Variants in GLUD1 observed in about 807,000 individuals in gnomAD.
The protein encoded by GLUD1 is glutamate dehydrogenase 1.
Under a neutral mutation model 56.0 loss-of-function variants are expected in GLUD1, and 22 were observed. That is an observed-to-expected ratio of 0.39 (90% CI 0.28 to 0.56). The LOEUF (loss-of-function observed/expected upper bound fraction) is 0.56. Ranked by LOEUF, GLUD1 falls within the 20% of genes least tolerant of loss-of-function variation. The pLI is 0.58. For synonymous variants in GLUD1, 223 were observed against 269.9 expected, an observed-to-expected ratio of 0.83 and a Z score of 1.70; for missense variants, 451 against 732.0, an observed-to-expected ratio of 0.62 and a Z score of 4.43.
At position 87,068,136 on chromosome 10, in the gene GLUD1, G is replaced by A; in HGVS notation, c.668C>T (p.Ala223Val). Residue 223 changes from alanine to valine, a missense_variant, in exon 5 of 13, where the codon GCT (alanine) becomes GTT (valine). By Grantham distance (64) the Ala-to-Val change is moderately conservative. Coordinates refer to ENST00000277865, the MANE Select transcript of GLUD1 (RefSeq NM_005271.5). ...GFIGPGIDVP[A>V]PDMSTGEREM... ...CCGCTCACCTGTGCTCATGTCTGGA[G>A]CAGGCACATCAATGCCAGGACCTGC... 6.2e-7 allele frequency: 1 copy of A among 1,612,672 alleles called. No homozygotes were observed. Among genetic ancestry groups the A allele is most frequent in the African/African-American group, 1.3e-5 (1 of 75,038 alleles).
At chr10:87,077,076 A>G (rs1452233298) in intron 1 of GLUD1, among the ~76,000 whole-genome samples, 1 of 152,100 alleles carries the variant, frequency 6.6e-6, no homozygotes, top group African/African-American at 2.4e-5. Context: ...AGTGGCACAG[A>G]CATGGCTTAC....
chr10:87,094,134 G>A lies in GLUD1; in HGVS notation c.445+191C>T. 1.4e-6 allele frequency: 2 copies of A among 1,456,072 alleles called. No homozygotes were observed. The highest frequency in any genetic ancestry group is 1.8e-6 in the Non-Finnish European group (2 of 1,100,002). 90.2% of individuals were successfully genotyped at this position (1,456,072 alleles called of 1,614,324 possible). ...GGGGGAGGGGGCAGGCCAATCGCAT[G>A]ATGATTTTAAGGCGGAAAAATCACC... On this transcript the variant is annotated intron_variant, in intron 1 of 12. Transcript: ENST00000277865. This position sits in a 1 kb window ranked among gnomAD's most constrained non-coding sequence, Gnocchi z 6.6.
chr10:87,060,428 G>GA, intron 8 of GLUD1, 187 bp from the exon 9 acceptor site: 1 of 550,246 alleles, frequency 1.8e-6, no homozygotes, highest in Non-Finnish European at 3.2e-6. Context: ...ATTTATCTAG[G>GA]TTTTTTTTTT....
intron 11 of GLUD1, among the ~76,000 whole-genome samples, chr10:87,055,526 G>A (rs955881899): frequency 5.9e-5 from 9 of 152,184 alleles, no homozygotes; most frequent in Non-Finnish European, 1.3e-4. Context: ...AAGTCCTTCC[G>A]ATGCACTGCT....
Position 87,060,973 on chromosome 10 carries a change from T to C in GLUD1, c.1001A>G (p.Asp334Gly). ...ACCATCTGGATTCCATATACTCCCA[T>C]CAGACTCACCAACAGCAATACATTT... ...GAKCIAVGES[D>G]GSIWNPDGID... The change falls in exon 7 of 13, where the codon GAT (aspartate) becomes GGT (glycine). Residue 334 changes from aspartate to glycine, a missense_variant. This residue lies in a region of GLUD1 where 248 missense variants were observed against 460.0 expected (regional missense o/e 0.54). Transcript: ENST00000277865. 1.9e-6 allele frequency: 3 copies of C among 1,614,106 alleles called. No homozygotes were observed. Among genetic ancestry groups the C allele is most frequent in the South Asian group, 1.1e-5 (1 of 91,088 alleles).
At chr10:87,058,857 C>T (rs1454329584) in intron 10 of GLUD1, among the ~76,000 whole-genome samples, 1 of 152,048 alleles carries the variant, frequency 6.6e-6, no homozygotes, top group Non-Finnish European at 1.5e-5. Flanking sequence ...TGCCACTGCA[C>T]TCCAGCCTCG....
rs1268517853 is a variant in GLUD1 at position 87,051,866 on chromosome 10, A to G, written c.1562T>C (p.Ile521Thr). The change falls in exon 13 of 13, where the codon ATT (isoleucine) becomes ACT (threonine). Residue 521 changes from isoleucine to threonine, a missense_variant. Physicochemically the swap from Ile to Thr is moderately conservative, Grantham distance 89. Coordinates refer to ENST00000277865, the MANE Select transcript of GLUD1 (RefSeq NM_005271.5). ...GTTATACTTCATGGCTGTGCGCATA[A>G]TTTGCTGAAATGAAAGAGAAAATGC... ...AYTMERSARQ[I>T]MRTAMKYNLG... is the part of the protein sequence containing the mutation. 2 of 1,614,140 alleles carry G rather than the reference A, an allele frequency of 1.2e-6. No homozygotes were observed. Among genetic ancestry groups the G allele is most frequent in the Non-Finnish European group, 1.7e-6 (2 of 1,180,000 alleles).
chr10:87,086,692 G>A (rs576976519), intron 1 of GLUD1, among the ~76,000 whole-genome samples: 86 of 151,704 alleles, frequency 5.7e-4, no homozygotes, highest in African/African-American at 1.8e-3. Flanking sequence ...ATTAGCCAGC[G>A]TGGCGGTGGG....
intron 1 of GLUD1, among the ~76,000 whole-genome samples, chr10:87,078,599 G>A (rs1424971868): frequency 2.0e-5 from 3 of 152,020 alleles, no homozygotes; most frequent in Non-Finnish European, 2.9e-5. Flanking sequence ...ATTAATATAC[G>A]AATATTCTGA....
At position 87,056,058 on chromosome 10, in the gene GLUD1, G is replaced by C. The variant is rs192256118; in HGVS notation, c.1494+1633C>G. ...TTGAACCTGGGAGGCAGAGGTTGCA[G>C]TGAGCCAAAATCGCACCACTGCACT... On this transcript the variant is annotated intron_variant, in intron 11 of 12. Coordinates refer to ENST00000277865, the MANE Select transcript of GLUD1 (RefSeq NM_005271.5). 5.0e-3 allele frequency among the ~76,000 whole-genome samples: 655 copies of C among 132,082 alleles called. 12 individuals are homozygous for C. The highest frequency in any genetic ancestry group is 0.018 in the African/African-American group (633 of 34,962). 86.7% of individuals were successfully genotyped at this position (132,082 alleles called of 152,430 possible).
At chr10:87,090,560 G>A (rs1467072188) in intron 1 of GLUD1, among the ~76,000 whole-genome samples, 1 of 152,108 alleles carries the variant, frequency 6.6e-6, no homozygotes, top group African/African-American at 2.4e-5. Context: ...GAGAAAAGAC[G>A]CATTTGGCTT....
intron 12 of GLUD1, 109 bp downstream of exon 12, chr10:87,053,233 G>T (rs538145833): frequency 2.1e-5 from 16 of 777,362 alleles, no homozygotes; most frequent in Admixed American, 9.6e-5. Context: ...GAGGACCATT[G>T]AACAGATTGA....
At chr10:87,072,303 G>A in intron 4 of GLUD1, among the ~76,000 whole-genome samples, 1 of 152,158 alleles carries the variant, frequency 6.6e-6, no homozygotes, top group East Asian at 1.9e-4. Flanking sequence ...ACAAATTAGT[G>A]TACAGATTCA....
chr10:87,073,610 CTTTTTTTTTTTT>C (rs71019462), intron 4 of GLUD1, among the ~76,000 whole-genome samples: 20 of 74,166 alleles, frequency 2.7e-4, no homozygotes, highest in African/African-American at 7.3e-4. Context: ...AATTAACATT[CTTTTTTTTTTTT>C]TTTTTTTTTT....
At chr10:87,067,228 C>A (rs1846101165) in intron 5 of GLUD1, among the ~76,000 whole-genome samples, 1 of 152,164 alleles carries the variant, frequency 6.6e-6, no homozygotes, top group Non-Finnish European at 1.5e-5. Context: ...GGTTCATTTA[C>A]CTCTTCATTC....
intron 5 of GLUD1, among the ~76,000 whole-genome samples, chr10:87,065,606 G>A (rs1846055546): frequency 6.6e-6 from 1 of 152,094 alleles, no homozygotes; most frequent in South Asian, 2.1e-4. Context: ...TGCATAAAAA[G>A]GTGACAGGTG....
intron 11 of GLUD1, 51 bp downstream of exon 11, chr10:87,057,640 G>A (rs1482370241): frequency 3.2e-6 from 3 of 938,022 alleles, no homozygotes; most frequent in Non-Finnish European, 5.3e-6. Context: ...CTGTCTGAAG[G>A]AAAGAGCAGG....
At chr10:87,075,130 G>C (rs1846349269) in intron 3 of GLUD1, among the ~76,000 whole-genome samples, 1 of 152,114 alleles carries the variant, frequency 6.6e-6, no homozygotes, top group South Asian at 2.1e-4. Flanking sequence ...TTTTGAGACA[G>C]AGTCTTGCTC....
intron 1 of GLUD1, among the ~76,000 whole-genome samples, chr10:87,084,397 A>G (rs1841334535): frequency 6.6e-6 from 1 of 152,266 alleles, no homozygotes; most frequent in Non-Finnish European, 1.5e-5. Context: ...TGAGCAGTAC[A>G]TGCTAAGTTT....
Sources: allele counts gnomAD v4.1 joint callset (sites outside exome capture counted in the v4.1 genomes callset), GRCh38; gene constraint gnomAD v4.1.1; regional missense constraint gnomAD v4.1.1; non-coding constraint Gnocchi (gnomAD v3.1); transcripts MANE v1.5; gene names NCBI Gene and HGNC (gene_info 2026-07-23, HGNC 2026-07-21).